The following PASD1 variants were observed in gnomAD, a reference collection of about 807,000 sequenced individuals.
PASD1 encodes PAS domain containing repressor 1, also known as circadian clock protein PASD1.
A neutral mutation model predicts 58.8 loss-of-function variants in PASD1; 13 were observed. The ratio of observed to expected loss-of-function variants is 0.22; its 90% CI spans 0.14 to 0.35. The LOEUF is 0.35. Among genes scored for constraint, PASD1 ranks in the 10% least tolerant of loss-of-function variants. The probability of loss-of-function intolerance (pLI) is 1.00; values close to 1 mark genes in which losing one functional copy is unlikely to be tolerated. For synonymous variants in PASD1, 236 were observed against 216.7 expected, an observed-to-expected ratio of 1.09 and a Z score of -0.78; for missense variants, 734 against 568.3, an observed-to-expected ratio of 1.29 and a Z score of -2.96.
chrX:151,626,480 T>C (rs1355604696), intron 8 of PASD1, among the ~76,000 whole-genome samples: 1 of 111,882 alleles, frequency 8.9e-6, no homozygotes, highest in East Asian at 2.8e-4. Flanking sequence ...TTATTTATAA[T>C]ACTATATAGT....
In PASD1 at chrX:151,604,666, T is replaced by C. The variant is rs776741596; in HGVS notation, c.49T>C (p.Ser17Pro). Residue 17 changes from serine (S) to proline (P), a missense_variant, in exon 3 of 16, where the codon TCT becomes CCT. Coordinates refer to ENST00000370357, the MANE Select transcript of PASD1 (RefSeq NM_173493.3). ...AAAAGACAAAGTCAATCCAAAAAGC[T>C]CTCAAAGGAAATTAAACTGGATTCC... ...KRRDKVNPKSSQRKLNWIPSF... is the reference protein window; with the variant it reads ...KRRDKVNPKSPQRKLNWIPSF... 3 of 1,206,138 alleles carry C rather than the reference T, an allele frequency of 2.5e-6. No individual in the cohort carries two copies. Among genetic ancestry groups the C allele is most frequent in the Non-Finnish European group, 3.4e-6 (3 of 891,536 alleles).
chrX:151,650,465 C>T (rs765347569), intron 9 of PASD1, among the ~76,000 whole-genome samples: 1 of 111,147 alleles, frequency 9.0e-6, no homozygotes, highest in South Asian at 3.8e-4. Flanking sequence ...AGTCTTAGTC[C>T]ACCAACGTAT....
intron 1 of PASD1, 27 bp from the exon 2 acceptor site, chrX:151,601,500 T>C: frequency 8.7e-7 from 1 of 1,146,203 alleles, no homozygotes; most frequent in Non-Finnish European, 1.2e-6. Context: ...GATCTCTTAG[T>C]AAAATGTTGC....
chrX:151,665,111 C>CT (rs1442311791), intron 11 of PASD1, among the ~76,000 whole-genome samples: 4 of 112,042 alleles, frequency 3.6e-5, no homozygotes, highest in Non-Finnish European at 5.6e-5. Context: ...TAATTAAGGG[C>CT]TAGAACACAA....
rs1319858204 is a variant in PASD1 at position 151,668,410 on chromosome X, G to A, written c.1072-2628G>A. Among the ~76,000 whole-genome samples, 3 of 111,211 alleles carry A rather than the reference G, an allele frequency of 2.7e-5. No homozygotes were observed. The East Asian group carries it at 8.4e-4, about 31-fold the overall frequency. On this transcript the variant is annotated intron_variant, in intron 11 of 15. Transcript: ENST00000370357. ...ATGTGCTGCTGGATTCGGTTTGCCA[G>A]TATTTTATTGAGGATTTTTGAAAAG...
chrX:151,639,480 T>G (rs1198073150), intron 8 of PASD1, among the ~76,000 whole-genome samples: 3 of 112,136 alleles, frequency 2.7e-5, no homozygotes, highest in Non-Finnish European at 5.6e-5. Context: ...ACTACACCAT[T>G]CTGCATACAT....
At chrX:151,644,350 A>G (rs1252077452) in intron 8 of PASD1, among the ~76,000 whole-genome samples, 1 of 111,363 alleles carries the variant, frequency 9.0e-6, no homozygotes. Context: ...CCCTCAAAGG[A>G]GGGTATTGGT....
chrX:151,589,431 C>T (rs979942470), intron 1 of PASD1, among the ~76,000 whole-genome samples: 1 of 111,888 alleles, frequency 8.9e-6, no homozygotes, highest in African/African-American at 3.3e-5. Context: ...TCTGAGAAGA[C>T]TGCATCCTTC....
At chrX:151,675,156 G>A (rs1222653338) in intron 15 of PASD1, among the ~76,000 whole-genome samples, 3 of 112,015 alleles carry the variant, frequency 2.7e-5, no homozygotes, top group South Asian at 3.8e-4. Context: ...GGCTGAGCAC[G>A]TTGCCCAGGG....
intron 11 of PASD1, among the ~76,000 whole-genome samples, chrX:151,665,071 C>T (rs181507750): frequency 1.2e-3 from 137 of 111,929 alleles, no homozygotes; most frequent in Non-Finnish European, 1.8e-3. Context: ...TGAGTGACTC[C>T]GGTTCAAAAG....
intron 9 of PASD1, among the ~76,000 whole-genome samples, chrX:151,658,423 T>C (rs2014273407): frequency 8.9e-6 from 1 of 112,423 alleles, no homozygotes; most frequent in South Asian, 3.7e-4. Flanking sequence ...AGCCCGAACA[T>C]ACGAATACCC....
chrX:151,570,947 G>C (rs1338106937), intron 1 of PASD1, among the ~76,000 whole-genome samples: 1 of 111,813 alleles, frequency 8.9e-6, no homozygotes, highest in African/African-American at 3.3e-5. Context: ...CCCTTTAAAT[G>C]CTGTACAGCC....
intron 9 of PASD1, among the ~76,000 whole-genome samples, chrX:151,657,456 C>G (rs1226894694): frequency 9.0e-6 from 1 of 111,549 alleles, no homozygotes; most frequent in Non-Finnish European, 1.9e-5. Flanking sequence ...CCTTGTACCT[C>G]TGGTAGAATT....
intron 15 of PASD1, among the ~76,000 whole-genome samples, chrX:151,675,029 GTCCTATGGT>G (rs1352464347): frequency 1.8e-5 from 2 of 111,717 alleles, no homozygotes; most frequent in East Asian, 5.6e-4. Context: ...TGGGCAATAG[GTCCTATGGT>G]TCCTATGGTT....
intron 8 of PASD1, among the ~76,000 whole-genome samples, chrX:151,637,746 A>C (rs975191173): frequency 1.6e-4 from 18 of 111,862 alleles, no homozygotes; most frequent in African/African-American, 5.8e-4. Context: ...ACTAATAGGC[A>C]CACAGTGGTA....
chrX:151,664,224 A>G lies in PASD1; in HGVS notation c.947A>G (p.Gln316Arg). The stretch of plus-strand genomic sequence containing the variant: ...GTGGATCAGGTGGACTCAGTGGACC[A>G]GGAGGGCCCAATGGACCAGCAGGAC... ...FSVDQVDSVD[Q>R]EGPMDQQDPE... The change falls in exon 11 of 16, where the codon CAG becomes CGG. Residue 316 changes from glutamine (Q) to arginine (R), a missense_variant. Gln to Arg is a conservative substitution (Grantham distance 43, BLOSUM62 1). Coordinates refer to ENST00000370357, the MANE Select transcript of PASD1 (RefSeq NM_173493.3). 1 of 1,211,122 alleles carries G rather than the reference A, an allele frequency of 8.3e-7. No homozygotes were observed. The highest frequency in any genetic ancestry group is 1.1e-6 in the Non-Finnish European group (1 of 895,275).
At chrX:151,569,144 C>T (rs781225641) in intron 1 of PASD1, among the ~76,000 whole-genome samples, 1 of 112,193 alleles carries the variant, frequency 8.9e-6, no homozygotes, top group East Asian at 2.8e-4. Context: ...TTTAGGTCTC[C>T]CAGTTGGGAG....
At chrX:151,635,029 T>C (rs2013911666) in intron 8 of PASD1, among the ~76,000 whole-genome samples, 1 of 111,824 alleles carries the variant, frequency 8.9e-6, no homozygotes, top group Admixed American at 9.5e-5. Flanking sequence ...ATTAATTGAA[T>C]CGTTATTTAT....
intron 1 of PASD1, among the ~76,000 whole-genome samples, chrX:151,594,293 G>A (rs962753007): frequency 8.9e-6 from 1 of 111,950 alleles, no homozygotes; most frequent in African/African-American, 3.2e-5. Context: ...ATTATTATGA[G>A]TATGTTTTGA....
Sources: gnomAD v4.1 joint callset for allele counts (sites outside exome capture counted in the v4.1 genomes callset) on GRCh38, gnomAD v4.1.1 for gene constraint, MANE v1.5 for transcripts, NCBI Gene and HGNC (gene_info 2026-07-23, HGNC 2026-07-21) for gene names.